The following TMEM163 variants were observed in gnomAD, a reference collection of about 807,000 sequenced individuals.
TMEM163 encodes the protein transmembrane protein 163.
In TMEM163, 17 loss-of-function variants were observed where a neutral mutation model predicts 29.3. The ratio of observed to expected loss-of-function variants is 0.58; its 90% confidence interval spans 0.40 to 0.87. The LOEUF is 0.87. Ranked by LOEUF, TMEM163 falls within the 40% of genes least tolerant of loss-of-function variation. TMEM163 has a pLI of 0.00. For synonymous variants in TMEM163, 157 were observed against 160.6 expected (o/e 0.98, Z 0.17); for missense variants, 303 against 381.5 (o/e 0.79, Z 1.71).
intron 7 of TMEM163, among the ~76,000 whole-genome samples, chr2:134,457,168 AC>A (rs1686417193): frequency 6.6e-6 from 1 of 151,798 alleles, no homozygotes; most frequent in African/African-American, 2.4e-5. Context: ...GCACAGATCT[AC>A]CACATTTATC....
At chr2:134,495,194 G>A (rs1192286965) in intron 5 of TMEM163, among the ~76,000 whole-genome samples, 1 of 152,236 alleles carries the variant, frequency 6.6e-6, no homozygotes, top group Non-Finnish European at 1.5e-5. Context: ...GCCTGGGAAG[G>A]TGGCTTGGCC....
chr2:134,668,280 C>T (rs1683911673), intron 2 of TMEM163, among the ~76,000 whole-genome samples: 1 of 152,188 alleles, frequency 6.6e-6, no homozygotes, highest in Non-Finnish European at 1.5e-5. Context: ...CATCAGCGCT[C>T]ATCAGTGGCC....
At chr2:134,509,173 C>T (rs1396681387) in intron 4 of TMEM163, among the ~76,000 whole-genome samples, 1 of 152,160 alleles carries the variant, frequency 6.6e-6, no homozygotes, top group African/African-American at 2.4e-5. Flanking sequence ...ATATGGTAGC[C>T]ACTCACCACA....
intron 2 of TMEM163, among the ~76,000 whole-genome samples, chr2:134,666,235 C>G (rs1378427153): frequency 6.6e-6 from 1 of 151,902 alleles, no homozygotes; most frequent in African/African-American, 2.4e-5. Context: ...CCTCTCATCT[C>G]ATCTCCCCCA....
chr2:134,640,574 C>T (rs1255250944), intron 2 of TMEM163, among the ~76,000 whole-genome samples: 1 of 152,176 alleles, frequency 6.6e-6, no homozygotes. Flanking sequence ...AAACTGTTAA[C>T]AGTTCTTTGG....
intron 7 of TMEM163, among the ~76,000 whole-genome samples, chr2:134,457,201 T>G (rs1686418037): frequency 6.6e-6 from 1 of 152,174 alleles, no homozygotes; most frequent in African/African-American, 2.4e-5. Flanking sequence ...TAATGGACAA[T>G]TGTGTTGCTT....
intron 2 of TMEM163, among the ~76,000 whole-genome samples, chr2:134,690,316 C>T (rs13431836): frequency 0.046 from 6,924 of 151,246 alleles, 235 homozygotes; most frequent in Admixed American, 0.088. Context: ...GACAGAGTCT[C>T]ACTCTGTTGC....
At chr2:134,498,431 C>T (rs1024655523) in intron 5 of TMEM163, among the ~76,000 whole-genome samples, 1 of 138,576 alleles carries the variant, frequency 7.2e-6, no homozygotes, top group Non-Finnish European at 1.5e-5. Flanking sequence ...TCAAGCAATT[C>T]TTCCACCTCA....
At chr2:134,486,510 G>T (rs62168979) in intron 5 of TMEM163, among the ~76,000 whole-genome samples, 1 of 152,164 alleles carries the variant, frequency 6.6e-6, no homozygotes, top group Non-Finnish European at 1.5e-5. Flanking sequence ...AGATGGATTC[G>T]AGATTTTACA....
At chr2:134,571,885 CAGACTTCTGGAA>C (rs1681439940) in intron 2 of TMEM163, among the ~76,000 whole-genome samples, 1 of 152,136 alleles carries the variant, frequency 6.6e-6, no homozygotes, top group Non-Finnish European at 1.5e-5. Flanking sequence ...ACCAGAATTC[CAGACTTCTGGAA>C]GGAAAGCAGG....
intron 2 of TMEM163, among the ~76,000 whole-genome samples, chr2:134,564,198 CAA>C (rs1344051636): frequency 1.3e-5 from 2 of 152,232 alleles, no homozygotes; most frequent in Non-Finnish European, 2.9e-5. Context: ...CAAGGATAAA[CAA>C]AGAGACCACA....
At chr2:134,494,045 C>T (rs1438144441) in intron 5 of TMEM163, among the ~76,000 whole-genome samples, 1 of 152,100 alleles carries the variant, frequency 6.6e-6, no homozygotes, top group East Asian at 1.9e-4. Context: ...CGGAACTAGG[C>T]ACTGATGAAA....
At chr2:134,612,650 C>T (rs1047225732) in intron 2 of TMEM163, among the ~76,000 whole-genome samples, 9 of 151,254 alleles carry the variant, frequency 6.0e-5, no homozygotes, top group African/African-American at 1.7e-4. Flanking sequence ...CACTAGTGGA[C>T]GACTAAGCTA....
intron 2 of TMEM163, among the ~76,000 whole-genome samples, chr2:134,604,692 A>G (rs1479025573): frequency 1.3e-5 from 2 of 152,212 alleles, no homozygotes; most frequent in Non-Finnish European, 2.9e-5. Context: ...AAGTATTTTT[A>G]AAACCTCCAC....
chr2:134,483,949 G>C (rs932612753), intron 5 of TMEM163, among the ~76,000 whole-genome samples: 2 of 152,122 alleles, frequency 1.3e-5, no homozygotes, highest in African/African-American at 4.8e-5. Context: ...TTCGAGACCA[G>C]CCTGGCCAAC....
chr2:134,591,352 TG>T lies in TMEM163; in HGVS notation c.323-39262del, dbSNP rs549872583. Reference sequence around the variant, plus strand: ...ACTGTAACAGTGATGCTGGTGGGAGTGTAGCAGTGAGGACAACCAGAGGTCA... The same window carrying T: ...ACTGTAACAGTGATGCTGGTGGGAGTTAGCAGTGAGGACAACCAGAGGTCA... On this transcript the variant is annotated intron_variant, in intron 2 of 7. Coordinates refer to ENST00000281924, the MANE Select transcript of TMEM163 (RefSeq NM_030923.5). 3.9e-3 allele frequency among the ~76,000 whole-genome samples: 592 copies of T among 151,992 alleles called. 7 individuals are homozygous for T. Among genetic ancestry groups the T allele is most frequent in the African/African-American group, 0.013 (558 of 41,460 alleles).
At chr2:134,480,002 A>G (rs1687011349) in intron 5 of TMEM163, among the ~76,000 whole-genome samples, 1 of 152,254 alleles carries the variant, frequency 6.6e-6, no homozygotes, top group Non-Finnish European at 1.5e-5. Context: ...TTGGTCAGCC[A>G]GACCAGGTCA....
chr2:134,634,001 ATATATATATATATATAT>A (rs1683044251), intron 2 of TMEM163, among the ~76,000 whole-genome samples: 7 of 29,598 alleles, frequency 2.4e-4, no homozygotes, highest in East Asian at 1.5e-3. Context: ...ATATATATAT[ATATATATATATATATAT>A]ATAATAGGAC....
At chr2:134,457,615 T>TAG (rs1333671460) in intron 7 of TMEM163, among the ~76,000 whole-genome samples, 2 of 152,374 alleles carry the variant, frequency 1.3e-5, no homozygotes, top group East Asian at 3.9e-4. Context: ...TCTCTAAGGC[T>TAG]AGGGATGCGG....
Sources: gnomAD v4.1 joint callset for allele counts (sites outside exome capture counted in the v4.1 genomes callset) on GRCh38, gnomAD v4.1.1 for gene constraint, MANE v1.5 for transcripts, NCBI Gene and HGNC (gene_info 2026-07-23, HGNC 2026-07-21) for gene names.